Variants in CEND1 observed in about 807,000 individuals in gnomAD.
CEND1 encodes cell cycle exit and neuronal differentiation 1.
In CEND1, 1 loss-of-function variant was observed where a neutral mutation model predicts 4.4. The observed-to-expected ratio is 0.23, with a 90% CI of 0.08 to 1.09. The LOEUF (loss-of-function observed/expected upper bound fraction) is 1.09. CEND1 is among the 50% of genes least tolerant of loss of function. CEND1 has a pLI of 0.55. For synonymous variants in CEND1, 109 were observed against 93.0 expected (o/e 1.17, Z -0.99); for missense variants, 213 against 201.2 (o/e 1.06, Z -0.35).
rs778304161 is a variant in CEND1, at chr11:788,313, G to C, written c.264C>G (p.Pro88=). Residue 88 remains proline, a synonymous_variant, in exon 2 of 2, where the codon CCC becomes CCG. Transcript: ENST00000330106. ...GACCCTTGGGCTCCGGGGTTGCATC[G>C]GGACTGCTGGGGACCGTGGGGGCTG... ...LKPAPTVPSS[P]DATPEPKGPG... 1 of 1,606,398 alleles carries C rather than the reference G, an allele frequency of 6.2e-7. No individual in the cohort carries two copies. Among genetic ancestry groups the C allele is most frequent in the South Asian group, 1.1e-5 (1 of 90,914 alleles).
intron 1 of CEND1, among the ~76,000 whole-genome samples, chr11:789,276 A>T (rs1284189633): frequency 2.0e-5 from 3 of 152,060 alleles, no homozygotes; most frequent in Non-Finnish European, 4.4e-5. Context: ...CTGTGCTTCC[A>T]AGGGCCGTCT....
At chr11:789,211 A>T (rs1446280894) in intron 1 of CEND1, among the ~76,000 whole-genome samples, 1 of 152,140 alleles carries the variant, frequency 6.6e-6, no homozygotes, top group East Asian at 1.9e-4. Flanking sequence ...GGGTGGGCCC[A>T]CAAGAACCCA....
At position 787,350 on chromosome 11, in the gene CEND1, G is replaced by C. The variant is rs1864365753; in HGVS notation, c.*777C>G. The stretch of plus-strand genomic sequence containing the variant: ...CAGTGTGTGACGGTCGCCGCCAAAA[G>C]CAGTTCTACTCTACCTGTTATTGCA... On this transcript the variant is annotated 3_prime_UTR_variant, in exon 2 of 2. Coordinates refer to ENST00000330106, the MANE Select transcript of CEND1 (RefSeq NM_016564.4). 1 of 152,766 alleles carries C rather than the reference G, an allele frequency of 6.5e-6. No individual in the cohort carries two copies. Among genetic ancestry groups the C allele is most frequent in the South Asian group, 2.1e-4 (1 of 4,844 alleles). 9.5% of individuals were successfully genotyped at this position (152,766 alleles called of 1,614,324 possible). A position where few individuals can be genotyped will look rare whatever the true frequency, so the allele number is the denominator to read the frequency against.
In CEND1 at chr11:788,466, G is replaced by C. The variant is rs138253099; in HGVS notation, c.111C>G (p.Thr37=). 13 of 1,562,810 alleles carry C rather than the reference G, an allele frequency of 8.3e-6. No homozygotes were observed. The African/African-American group carries it at 1.6e-4, about 20-fold the overall frequency. Residue 37 remains threonine (T), a synonymous_variant, in exon 2 of 2, where the codon ACC becomes ACG. Coordinates refer to ENST00000330106, the MANE Select transcript of CEND1 (RefSeq NM_016564.4). ...PPAADGKAPL[T]KPSKKEAPAE... is the part of the protein sequence containing the mutation. ...CCGGGGCCTCCTTCTTCGAGGGCTT[G>C]GTCAAGGGGGCTTTCCCATCGGCTG... is the stretch of plus-strand genomic sequence containing the variant.
rs368434558 is a variant in CEND1 at position 787,892 on chromosome 11, A to G, written c.*235T>C. On this transcript the variant is annotated 3_prime_UTR_variant, in exon 2 of 2. Transcript: ENST00000330106. The stretch of plus-strand genomic sequence containing the variant: ...TTCCCCAGCTGTGCCCTCGCCCCAC[A>G]TCCTGTGCTGTGGACCCCGGAGCCT... 1 of 365,240 alleles carries G rather than the reference A, an allele frequency of 2.7e-6. No homozygotes were observed. Among genetic ancestry groups the G allele is most frequent in the Non-Finnish European group, 4.9e-6 (1 of 204,690 alleles). 22.6% of individuals were successfully genotyped at this position (365,240 alleles called of 1,614,324 possible). A position where few individuals can be genotyped will look rare whatever the true frequency, so the allele number is the denominator to read the frequency against.
chr11:789,452 G>T (rs1402841285), intron 1 of CEND1, among the ~76,000 whole-genome samples: 1 of 152,206 alleles, frequency 6.6e-6, no homozygotes, highest in East Asian at 1.9e-4. Context: ...GCGGGTCAGG[G>T]CGGAGGACAG....
rs146767232 is a variant in CEND1, at chr11:788,085, G to A, written c.*42C>T. 184 of 1,442,422 alleles carry A rather than the reference G, an allele frequency of 1.3e-4. No individual in the cohort carries two copies. The African/African-American group carries it at 2.2e-3, about 17-fold the overall frequency. 89.4% of individuals were successfully genotyped at this position (1,442,422 alleles called of 1,614,324 possible). ...TGCATGCACTGGCTTCCTCGGGTCT[G>A]TACAGGAAGTGGCTCCGTGCCCCCC... On this transcript the variant is annotated 3_prime_UTR_variant, in exon 2 of 2. Coordinates refer to ENST00000330106, the MANE Select transcript of CEND1 (RefSeq NM_016564.4).
intron 1 of CEND1, 102 bp from the exon 2 acceptor site, chr11:788,760 C>G (rs956712977): frequency 1.1e-5 from 5 of 464,706 alleles, no homozygotes; most frequent in Non-Finnish European, 1.8e-5. Context: ...TCTGGACTCT[C>G]TGGAGCCCCA....
In CEND1 at chr11:788,376, G is replaced by A. The variant is rs767067839; in HGVS notation, c.201C>T (p.Ala67=). 15 of 1,597,712 alleles carry A rather than the reference G, an allele frequency of 9.4e-6. No individual in the cohort carries two copies. Among genetic ancestry groups the A allele is most frequent in the African/African-American group, 2.7e-5 (2 of 74,380 alleles). Reference sequence around the variant, plus strand: ...TGTGGTTGTTGAGAAGGGCAGGGTCGGCCTTGGCCGAGGTCTTCTTGGCAG... The same window carrying A: ...TGTGGTTGTTGAGAAGGGCAGGGTCAGCCTTGGCCGAGGTCTTCTTGGCAG... ...TAPAKKTSAK[A]DPALLNNHSN... is the part of the protein sequence containing the mutation. Residue 67 remains alanine (A), a synonymous_variant, in exon 2 of 2, where the codon GCC becomes GCT. Coordinates refer to ENST00000330106, the MANE Select transcript of CEND1 (RefSeq NM_016564.4).
chr11:790,034 C>T lies in CEND1; in HGVS notation c.-87G>A, dbSNP rs906087840. The T allele has an allele frequency of 3.9e-5, 6 of 152,862 alleles. No individual in the cohort carries two copies. The highest frequency in any genetic ancestry group is 1.4e-4 in the African/African-American group (6 of 41,414). The allele number at this position is 152,862 out of a possible 1,614,324, so 9.5% of individuals were successfully genotyped here. ...GCCGGGAGCCCCCCGCCTTACGCGTCCTCCGGCCTCCCCGGGGCTGCGCGC... is the reference window on the plus strand; with the variant it reads ...GCCGGGAGCCCCCCGCCTTACGCGTTCTCCGGCCTCCCCGGGGCTGCGCGC... On this transcript the variant is annotated 5_prime_UTR_variant, in exon 1 of 2. Coordinates refer to ENST00000330106, the MANE Select transcript of CEND1 (RefSeq NM_016564.4).
rs768995102 is a variant in CEND1, at chr11:788,463, C to T, written c.114G>A (p.Lys38=). The T allele has an allele frequency of 6.4e-7, 1 of 1,569,306 alleles. No individual in the cohort carries two copies. Residue 38 remains lysine, a synonymous_variant, in exon 2 of 2, where the codon AAG becomes AAA. Coordinates refer to ENST00000330106, the MANE Select transcript of CEND1 (RefSeq NM_016564.4). ...PAADGKAPLT[K]PSKKEAPAEK... is the part of the protein sequence containing the mutation. ...CGGCCGGGGCCTCCTTCTTCGAGGG[C>T]TTGGTCAAGGGGGCTTTCCCATCGG...
rs74045129 is a variant in CEND1, at chr11:788,715, G to A, written c.-82-57C>T. On this transcript the variant is annotated intron_variant, in intron 1 of 1. Coordinates refer to ENST00000330106, the MANE Select transcript of CEND1 (RefSeq NM_016564.4). Reference sequence around the variant, plus strand: ...GGTCCAGTCCCCCCTGTGCTGCCCCGACCACCTGGTCCCCAGGCAGCCCCT... The same window carrying A: ...GGTCCAGTCCCCCCTGTGCTGCCCCAACCACCTGGTCCCCAGGCAGCCCCT... The A allele has an allele frequency of 5.2e-3, 3,816 of 728,950 alleles. 109 individuals are homozygous for A. The African/African-American group carries it at 0.061, about 12-fold the overall frequency. 45.2% of individuals were successfully genotyped at this position (728,950 alleles called of 1,614,324 possible).
chr11:788,488 G>A lies in CEND1; in HGVS notation c.89C>T (p.Ala30Val). 2.6e-6 allele frequency: 4 copies of A among 1,541,154 alleles called. No individual in the cohort carries two copies. Among genetic ancestry groups the A allele is most frequent in the Admixed American group, 2.1e-5 (1 of 48,474 alleles). ...CTTGGTCAAGGGGGCTTTCCCATCGGCTGCCGGGGGTACCTTGGCCTCGGT... is the reference window on the plus strand; with the variant it reads ...CTTGGTCAAGGGGGCTTTCCCATCGACTGCCGGGGGTACCTTGGCCTCGGT... ...VTTEAKVPPA[A>V]DGKAPLTKPS... Residue 30 changes from alanine (A) to valine (V), a missense_variant, in exon 2 of 2, where the codon GCC becomes GTC. Transcript: ENST00000330106.
At position 788,270 on chromosome 11, in the gene CEND1, C is replaced by T. The variant is rs771032172; in HGVS notation, c.307G>A (p.Glu103Lys). 12 of 1,612,782 alleles carry T rather than the reference C, an allele frequency of 7.4e-6. No homozygotes were observed. Among genetic ancestry groups the T allele is most frequent in the Middle Eastern group, 1.7e-4 (1 of 6,054 alleles). The stretch of plus-strand genomic sequence containing the variant: ...GGCCCCCCACTGGCAGCCTCATCTT[C>T]CTCCGCCCCGTCCCCAGGACCCTTG... ...EPKGPGDGAE[E>K]DEAASGGPGG... The change falls in exon 2 of 2, where the codon GAA (glutamate) becomes AAA (lysine). Residue 103 changes from glutamate (E) to lysine (K), a missense_variant. Glu to Lys is a moderately conservative substitution (Grantham distance 56). Coordinates refer to ENST00000330106, the MANE Select transcript of CEND1 (RefSeq NM_016564.4).
Position 788,584 on chromosome 11 carries a change from G to A in CEND1, c.-8C>T, listed in dbSNP as rs368017344. ...CTTCCCTCTGGACTCCATGGTGGGCGGGGCGTATGGGACAGGCAGGTGGCT... is the reference window on the plus strand; with the variant it reads ...CTTCCCTCTGGACTCCATGGTGGGCAGGGCGTATGGGACAGGCAGGTGGCT... On this transcript the variant is annotated 5_prime_UTR_variant, in exon 2 of 2. Coordinates refer to ENST00000330106, the MANE Select transcript of CEND1 (RefSeq NM_016564.4). 395 of 1,507,546 alleles carry A rather than the reference G, an allele frequency of 2.6e-4. 1 individual carries two copies. Among genetic ancestry groups the A allele is most frequent in the East Asian group, 7.5e-4 (33 of 43,862 alleles). The allele number at this position is 1,507,546 out of a possible 1,614,324, so 93.4% of individuals were successfully genotyped here.
In CEND1 at chr11:788,137, C is replaced by T. The variant is rs150021188; in HGVS notation, c.440G>A (p.Arg147Gln). The change falls in exon 2 of 2, where the codon CGG becomes CAG. Residue 147 changes from arginine (R) to glutamine (Q), a missense_variant. Physicochemically the swap from Arg to Gln is conservative, Grantham distance 43. Coordinates refer to ENST00000330106, the MANE Select transcript of CEND1 (RefSeq NM_016564.4). ...ALILGVAFLV[R>Q]KK is the part of the protein sequence containing the mutation. ...CCTGGCCCCCAGGTATTATTTTTTC[C>T]GGACCAGGAAGGCCACACCGAGAAT... The T allele has an allele frequency of 1.5e-4, 229 of 1,562,374 alleles. 2 individuals carry two copies. The African/African-American group carries it at 2.1e-3, about 14-fold the overall frequency.
intron 1 of CEND1, 25 bp from the exon 2 acceptor site, chr11:788,683 G>A: frequency 1.8e-6 from 2 of 1,139,740 alleles, no homozygotes; most frequent in South Asian, 2.1e-5. Context: ...AAGGGAGGCT[G>A]CGCGCGGGTC....
chr11:788,167 G>C lies in CEND1; in HGVS notation c.410C>G (p.Ala137Gly). ...VAGGVAVAAI[A>G]LILGVAFLVR... ...CAGGAAGGCCACACCGAGAATCAGGGCTATGGCTGCCACGGCCACACCCCC... is the reference window on the plus strand; with the variant it reads ...CAGGAAGGCCACACCGAGAATCAGGCCTATGGCTGCCACGGCCACACCCCC... The change falls in exon 2 of 2, where the codon GCC becomes GGC. Residue 137 changes from alanine to glycine, a missense_variant. By Grantham distance (60) the Ala-to-Gly change is moderately conservative (BLOSUM62 0). Transcript: ENST00000330106. 1 of 1,599,190 alleles carries C rather than the reference G, an allele frequency of 6.3e-7. No individual in the cohort carries two copies. The highest frequency in any genetic ancestry group is 8.5e-7 in the Non-Finnish European group (1 of 1,176,580).
chr11:788,565 T>G lies in CEND1; in HGVS notation c.12A>C (p.Arg4Ser). 6.6e-7 allele frequency: 1 copy of G among 1,516,284 alleles called. No individual in the cohort carries two copies. The highest frequency in any genetic ancestry group is 1.3e-5 in the South Asian group (1 of 77,006). 93.9% of individuals were successfully genotyped at this position (1,516,284 alleles called of 1,614,324 possible). A position where few individuals can be genotyped will look rare whatever the true frequency, so the allele number is the denominator to read the frequency against. MESRGKSASSPKPD... is the reference protein window; with the variant it reads MESSGKSASSPKPD... The stretch of plus-strand genomic sequence containing the variant: ...GCTTGGGGCTGCTGGCTGACTTCCC[T>G]CTGGACTCCATGGTGGGCGGGGCGT... Residue 4 changes from arginine to serine, a missense_variant, in exon 2 of 2, where the codon AGA becomes AGC. Physicochemically the swap from Arg to Ser is moderately radical, Grantham distance 110. Coordinates refer to ENST00000330106, the MANE Select transcript of CEND1 (RefSeq NM_016564.4).
Sources: allele counts gnomAD v4.1 joint callset (sites outside exome capture counted in the v4.1 genomes callset), GRCh38; gene constraint gnomAD v4.1.1; transcripts MANE v1.5; gene names NCBI Gene and HGNC (gene_info 2026-07-23, HGNC 2026-07-21).